Variants in ELMO1 observed in about 807,000 individuals in gnomAD.
ELMO1 encodes the protein engulfment and cell motility protein 1.
A neutral mutation model predicts 98.9 loss-of-function variants in ELMO1; 26 were observed. The observed-to-expected ratio is 0.26, with a 90% CI of 0.19 to 0.36. The LOEUF (loss-of-function observed/expected upper bound fraction) is 0.36, where lower values mean the gene tolerates loss of function less well. ELMO1 is among the 10% of genes least tolerant of loss of function. The pLI is 1.00. For synonymous variants in ELMO1, 346 were observed against 346.0 expected (o/e 1.00, Z 0.00); for missense variants, 627 against 935.2 (o/e 0.67, Z 4.30).
chr7:37,150,277 CT>C (rs10714242), intron 13 of ELMO1, among the ~76,000 whole-genome samples: 128,330 of 143,952 alleles, frequency 0.89, 57,196 homozygotes, highest in South Asian at 0.94. Context: ...ATGCGGAATT[CT>C]TTTTTTTTTT....
chr7:36,975,760 T>C (rs1664130780), intron 16 of ELMO1, among the ~76,000 whole-genome samples: 2 of 150,488 alleles, frequency 1.3e-5, no homozygotes, highest in Admixed American at 6.6e-5. Context: ...GGCAGGAGAA[T>C]TGCTTGAACC....
intron 1 of ELMO1, among the ~76,000 whole-genome samples, chr7:37,430,896 G>T (rs1804906006): frequency 1.3e-5 from 2 of 152,228 alleles, no homozygotes; most frequent in African/African-American, 4.8e-5. Context: ...ATGGATCTGT[G>T]TAGGTCTGGA....
chr7:37,326,603 T>C (rs1429544258), intron 2 of ELMO1, among the ~76,000 whole-genome samples: 1 of 152,040 alleles, frequency 6.6e-6, no homozygotes, highest in East Asian at 1.9e-4. Context: ...ACCTTTTTCT[T>C]GACAAATGAT....
chr7:37,427,655 C>G (rs1328054028), intron 1 of ELMO1, among the ~76,000 whole-genome samples: 1 of 152,228 alleles, frequency 6.6e-6, no homozygotes, highest in Non-Finnish European at 1.5e-5. Flanking sequence ...GATAATATCG[C>G]TATTTTTGCT....
chr7:37,046,440 G>A (rs1408737063), intron 15 of ELMO1, among the ~76,000 whole-genome samples: 2 of 152,176 alleles, frequency 1.3e-5, no homozygotes, highest in African/African-American at 4.8e-5. Context: ...GTAAAAGAAC[G>A]ACAGTGTGGA....
chr7:37,142,935 T>C (rs1787735590), intron 13 of ELMO1, among the ~76,000 whole-genome samples: 1 of 152,124 alleles, frequency 6.6e-6, no homozygotes, highest in South Asian at 2.1e-4. Flanking sequence ...TCTTTGAATT[T>C]TGCACCCAAT....
chr7:37,205,924 C>T (rs564406245), intron 13 of ELMO1, among the ~76,000 whole-genome samples: 9 of 152,312 alleles, frequency 5.9e-5, no homozygotes, highest in African/African-American at 1.7e-4. Flanking sequence ...CTTTCCCTCA[C>T]TCCAAAAGGC....
intron 16 of ELMO1, among the ~76,000 whole-genome samples, chr7:36,896,684 T>G (rs75452652): frequency 0.083 from 12,316 of 148,740 alleles, 681 homozygotes; most frequent in Middle Eastern, 0.14. Context: ...TTGTTTGTTT[T>G]TTTTTTTTAA....
intron 1 of ELMO1, among the ~76,000 whole-genome samples, chr7:37,409,161 TA>T (rs1803897221): frequency 6.6e-6 from 1 of 151,656 alleles, no homozygotes; most frequent in Admixed American, 6.6e-5. Flanking sequence ...ACAAAATTCC[TA>T]AAACCTACTG....
At chr7:37,010,510 G>T (rs1793470325) in intron 16 of ELMO1, among the ~76,000 whole-genome samples, 2 of 152,236 alleles carry the variant, frequency 1.3e-5, no homozygotes, top group South Asian at 2.1e-4. Context: ...AGGGATCAGG[G>T]TGATGGGATG....
At chr7:37,090,718 C>G (rs1784037588) in intron 15 of ELMO1, among the ~76,000 whole-genome samples, 1 of 152,236 alleles carries the variant, frequency 6.6e-6, no homozygotes, top group African/African-American at 2.4e-5. Flanking sequence ...CAAGACTCTC[C>G]TTTCCCCAGC....
At chr7:36,964,021 G>A (rs1190061769) in intron 16 of ELMO1, among the ~76,000 whole-genome samples, 1 of 152,202 alleles carries the variant, frequency 6.6e-6, no homozygotes, top group African/African-American at 2.4e-5. Flanking sequence ...TTGTAGTACA[G>A]TTATTTGTGT....
chr7:37,352,525 C>CT (rs1321589734), intron 1 of ELMO1, among the ~76,000 whole-genome samples: 13 of 151,706 alleles, frequency 8.6e-5, no homozygotes, highest in African/African-American at 2.4e-4. Flanking sequence ...GTCCAGAAAA[C>CT]TTTTTTTTTA....
intron 1 of ELMO1, among the ~76,000 whole-genome samples, chr7:37,407,123 G>A (rs961183059): frequency 6.6e-6 from 1 of 152,166 alleles, no homozygotes; most frequent in Non-Finnish European, 1.5e-5. Flanking sequence ...CAACTAAGAT[G>A]TCCTTCAACA....
At chr7:37,346,812 A>C (rs77270985) in intron 1 of ELMO1, among the ~76,000 whole-genome samples, 2,468 of 152,296 alleles carry the variant, frequency 0.016, 27 homozygotes, top group Non-Finnish European at 0.025. Flanking sequence ...TACAGCAAAA[A>C]AGGTCATCTA....
intron 15 of ELMO1, among the ~76,000 whole-genome samples, chr7:37,076,962 T>A (rs760007243): frequency 6.6e-5 from 10 of 152,160 alleles, no homozygotes; most frequent in Admixed American, 1.3e-4. Flanking sequence ...GACTGGGAGA[T>A]TTTACGGATT....
At chr7:37,183,708 G>C (rs1276785483) in intron 13 of ELMO1, among the ~76,000 whole-genome samples, 1 of 91,382 alleles carries the variant, frequency 1.1e-5, no homozygotes, top group Non-Finnish European at 2.1e-5. Flanking sequence ...ACTTCACTAA[G>C]TATATTCCAG....
In ELMO1 at chr7:37,179,301, G is replaced by A. The variant is rs556317580; in HGVS notation, c.1086+32085C>T. Among the ~76,000 whole-genome samples, 3 of 128,552 alleles carry A rather than the reference G, an allele frequency of 2.3e-5. No homozygotes were observed. The East Asian group carries it at 6.8e-4, about 29-fold the overall frequency. 84.3% of individuals were successfully genotyped at this position (128,552 alleles called of 152,430 possible). ...GCTCTTTTTTTTTTTTTTTTGAGAC[G>A]GAGTCTCACACTGTCACCCAGGCTG... On this transcript the variant is annotated intron_variant, in intron 13 of 21. Coordinates refer to ENST00000310758, the MANE Select transcript of ELMO1 (RefSeq NM_014800.11).
chr7:37,224,938 G>T lies in ELMO1; in HGVS notation c.642C>A (p.Asp214Glu), dbSNP rs764767006. 2 of 1,614,002 alleles carry T rather than the reference G, an allele frequency of 1.2e-6. No homozygotes were observed. Among genetic ancestry groups the T allele is most frequent in the African/African-American group, 2.7e-5 (2 of 74,910 alleles). Reference protein sequence around the residue: ...ILESMVLNSHDLYQKVAQEIT... With the variant: ...ILESMVLNSHELYQKVAQEIT... ...TCTCCTGCGCCACTTTCTGGTAGAG[G>T]TCATGGCTATTGAGCACCATCGACT... The change falls in exon 9 of 22, where the codon GAC (aspartate) becomes GAA (glutamate). Residue 214 changes from aspartate (D) to glutamate (E), a missense_variant. Transcript: ENST00000310758.
Sources: gnomAD v4.1 joint callset for allele counts (sites outside exome capture counted in the v4.1 genomes callset) on GRCh38, gnomAD v4.1.1 for gene constraint, MANE v1.5 for transcripts, NCBI Gene and HGNC (gene_info 2026-07-23, HGNC 2026-07-21) for gene names.